The following CAPZB variants were observed in gnomAD, a reference collection of about 807,000 sequenced individuals.
CAPZB encodes the protein F-actin-capping protein subunit beta.
In CAPZB, 2 loss-of-function variants were observed where a neutral mutation model predicts 38.1. That is an observed-to-expected ratio of 0.05 (90% confidence interval 0.02 to 0.17). The LOEUF (loss-of-function observed/expected upper bound fraction) is 0.17, where lower values mean the gene tolerates loss of function less well. CAPZB is among the 10% of genes least tolerant of loss of function. The probability of loss-of-function intolerance (pLI) is 1.00; values close to 1 mark genes in which losing one functional copy is unlikely to be tolerated. For synonymous variants in CAPZB, 107 were observed against 127.4 expected, an observed-to-expected ratio of 0.84 and a Z score of 1.08; for missense variants, 161 against 334.2, an observed-to-expected ratio of 0.48 and a Z score of 4.04.
At chr1:19,395,202 G>A (rs748536875) in intron 2 of CAPZB, among the ~76,000 whole-genome samples, 3 of 152,198 alleles carry the variant, frequency 2.0e-5, no homozygotes, top group Non-Finnish European at 4.4e-5. Flanking sequence ...GACTCAAGGC[G>A]GGGGTTGTGG....
intron 4 of CAPZB, among the ~76,000 whole-genome samples, chr1:19,360,908 C>T (rs2094049497): frequency 6.6e-6 from 1 of 152,154 alleles, no homozygotes; most frequent in African/African-American, 2.4e-5. Flanking sequence ...ACTGCAGGAA[C>T]ATTATTGTTT....
intron 8 of CAPZB, chr1:19,342,775 TG>T: frequency 6.2e-7 from 1 of 1,611,460 alleles, no homozygotes; most frequent in South Asian, 1.1e-5. Flanking sequence ...ATTATCAGGC[TG>T]GATGTAGATC....
At position 19,412,951 on chromosome 1, in the gene CAPZB, A is replaced by G. The variant is rs561850941; in HGVS notation, c.93+6710T>C. 5.3e-5 allele frequency among the ~76,000 whole-genome samples: 8 copies of G among 152,358 alleles called. No homozygotes were observed. In the South Asian group the frequency reaches 8.3e-4, roughly 16 times the overall value. ...TCCTCCTTCCAGAAATTAATTCCCC[A>G]TAAAATGTCAGCTCCATAGAGCGAG... is the stretch of plus-strand genomic sequence containing the variant. On this transcript the variant is annotated intron_variant, in intron 2 of 8. Coordinates refer to ENST00000264202, the MANE Select transcript of CAPZB (RefSeq NM_004930.5).
intron 1 of CAPZB, among the ~76,000 whole-genome samples, chr1:19,446,555 G>A (rs1476896881): frequency 6.6e-6 from 1 of 151,960 alleles, no homozygotes; most frequent in Non-Finnish European, 1.5e-5. Context: ...AACCTCCTAG[G>A]AATCTACCCT....
intron 3 of CAPZB, among the ~76,000 whole-genome samples, chr1:19,379,742 A>C (rs1284499906): frequency 6.6e-6 from 1 of 152,152 alleles, no homozygotes; most frequent in East Asian, 1.9e-4. Context: ...ATTTAATCAC[A>C]CTGAGAACTG....
At chr1:19,379,104 T>C (rs867406836) in intron 3 of CAPZB, among the ~76,000 whole-genome samples, 4 of 126,092 alleles carry the variant, frequency 3.2e-5, no homozygotes, top group South Asian at 4.3e-4. Flanking sequence ...TTCTTTCTTT[T>C]TTTTTTTTTT....
chr1:19,404,585 C>T (rs958487588), intron 2 of CAPZB, among the ~76,000 whole-genome samples: 4 of 150,580 alleles, frequency 2.7e-5, no homozygotes, highest in Admixed American at 6.6e-5. Flanking sequence ...GAAAAATGCT[C>T]GCTTGTCATT....
At chr1:19,360,320 A>AG (rs1184573231) in intron 4 of CAPZB, among the ~76,000 whole-genome samples, 1 of 152,138 alleles carries the variant, frequency 6.6e-6, no homozygotes, top group Non-Finnish European at 1.5e-5. Flanking sequence ...ACATCAAAAG[A>AG]GGGGGAAGAA....
chr1:19,475,353 T>C (rs944932914), intron 1 of CAPZB, among the ~76,000 whole-genome samples: 5 of 152,180 alleles, frequency 3.3e-5, no homozygotes, highest in Non-Finnish European at 7.3e-5. Flanking sequence ...CTAGGAATCA[T>C]GACTGCCTGG....
At chr1:19,438,094 G>C (rs2094463840) in intron 1 of CAPZB, among the ~76,000 whole-genome samples, 1 of 152,162 alleles carries the variant, frequency 6.6e-6, no homozygotes, top group Non-Finnish European at 1.5e-5. Flanking sequence ...CTACGTCAGG[G>C]GAGGGGACCG....
chr1:19,375,669 C>T (rs980872279), intron 4 of CAPZB, among the ~76,000 whole-genome samples: 1 of 152,186 alleles, frequency 6.6e-6, no homozygotes, highest in Non-Finnish European at 1.5e-5. Context: ...GTCAAAGGCA[C>T]ACAGAAATCA....
intron 4 of CAPZB, among the ~76,000 whole-genome samples, chr1:19,369,899 C>G (rs983535555): frequency 1.3e-5 from 2 of 152,190 alleles, no homozygotes; most frequent in Non-Finnish European, 2.9e-5. Flanking sequence ...AAAAAGCCCC[C>G]GGGGCACCTG....
At chr1:19,382,660 G>A (rs1021021001) in intron 3 of CAPZB, among the ~76,000 whole-genome samples, 1 of 152,110 alleles carries the variant, frequency 6.6e-6, no homozygotes, top group Non-Finnish European at 1.5e-5. Context: ...GCAGGTGGGG[G>A]ACAAAGGGGT....
intron 1 of CAPZB, among the ~76,000 whole-genome samples, chr1:19,436,088 C>T (rs1570263102): frequency 6.6e-6 from 1 of 152,190 alleles, no homozygotes; most frequent in East Asian, 1.9e-4. Context: ...ACAGTAGTCA[C>T]CCCTTATCTG....
chr1:19,339,635 C>A lies in CAPZB; in HGVS notation c.732-18G>T. The A allele has an allele frequency of 6.3e-7, 1 of 1,589,722 alleles. No individual in the cohort carries two copies. The highest frequency in any genetic ancestry group is 8.6e-7 in the Non-Finnish European group (1 of 1,157,724). On this transcript the variant is annotated intron_variant, in intron 8 of 8. Coordinates refer to ENST00000264202, the MANE Select transcript of CAPZB (RefSeq NM_004930.5). ...GCACAGACCTGCAAGGGAGGAAAGGCGTTATCAGCAGATTGAACAGGGACT... is the reference window on the plus strand; with the variant it reads ...GCACAGACCTGCAAGGGAGGAAAGGAGTTATCAGCAGATTGAACAGGGACT...
intron 2 of CAPZB, among the ~76,000 whole-genome samples, chr1:19,418,564 C>T (rs867783373): frequency 6.6e-6 from 1 of 152,188 alleles, no homozygotes; most frequent in Non-Finnish European, 1.5e-5. Flanking sequence ...CTTCCCACTT[C>T]CTGAATTACT....
chr1:19,427,761 T>G (rs2094428285), intron 1 of CAPZB, among the ~76,000 whole-genome samples: 1 of 152,208 alleles, frequency 6.6e-6, no homozygotes. Context: ...TCTGTTCCCA[T>G]GGGAAAATCC....
chr1:19,443,394 T>C (rs2094485275), intron 1 of CAPZB, among the ~76,000 whole-genome samples: 1 of 151,968 alleles, frequency 6.6e-6, no homozygotes. Context: ...AGACCCTATC[T>C]CAAAAAAATA....
intron 2 of CAPZB, among the ~76,000 whole-genome samples, chr1:19,387,120 G>C (rs2094208440): frequency 6.6e-6 from 1 of 152,004 alleles, no homozygotes; most frequent in South Asian, 2.1e-4. Context: ...CACGCATTCT[G>C]CAAAGTGGGT....
Sources: allele counts gnomAD v4.1 joint callset (sites outside exome capture counted in the v4.1 genomes callset), GRCh38; gene constraint gnomAD v4.1.1; transcripts MANE v1.5; gene names NCBI Gene and HGNC (gene_info 2026-07-23, HGNC 2026-07-21).